NUDCD3: variants seen among roughly 807,000 people sequenced by gnomAD.
NUDCD3 encodes nudC domain-containing protein 3.
In NUDCD3, 13 loss-of-function variants were observed where a neutral mutation model predicts 39.7. The ratio of observed to expected loss-of-function variants is 0.33; its 90% confidence interval spans 0.21 to 0.52. The LOEUF (loss-of-function observed/expected upper bound fraction) is 0.52, where lower values mean the gene tolerates loss of function less well. NUDCD3 is among the 20% of genes least tolerant of loss of function. The pLI is 0.96. For synonymous variants in NUDCD3, 175 were observed against 172.4 expected (o/e 1.02, Z -0.12); for missense variants, 453 against 458.1 (o/e 0.99, Z 0.10).
At chr7:44,402,654 G>A (rs535976877) in intron 4 of NUDCD3, 123 of 456,554 alleles carry the variant, frequency 2.7e-4, no homozygotes, top group African/African-American at 2.2e-3. Context: ...AGAGCTCCTC[G>A]CTCAGAGGGA....
intron 2 of NUDCD3, among the ~76,000 whole-genome samples, chr7:44,479,750 GA>G (rs1800449276): frequency 6.6e-6 from 1 of 152,130 alleles, no homozygotes; most frequent in Non-Finnish European, 1.5e-5. Flanking sequence ...GTCTTCTACA[GA>G]ATAACTACCT....
At chr7:44,399,849 C>T (rs181749149) in intron 4 of NUDCD3, among the ~76,000 whole-genome samples, 22 of 152,260 alleles carry the variant, frequency 1.4e-4, no homozygotes, top group Admixed American at 1.1e-3. Context: ...AAATCATAAA[C>T]AAATATATTA....
intron 5 of NUDCD3, among the ~76,000 whole-genome samples, chr7:44,389,036 G>A (rs937580441): frequency 1.3e-4 from 20 of 152,196 alleles, no homozygotes; most frequent in African/African-American, 4.3e-4. Flanking sequence ...TCTGTTCCAC[G>A]CCTGGGCTAT....
In NUDCD3 at chr7:44,419,014, A is replaced by C. The variant is rs185943962; in HGVS notation, c.642+8557T>G. ...GGGCAGACACTGAGCTAGCTGCAGG[A>C]GTTTTTTTTTTGTTTGGTTTTTGTT... is the stretch of plus-strand genomic sequence containing the variant. On this transcript the variant is annotated intron_variant, in intron 3 of 5. Coordinates refer to ENST00000355451, the MANE Select transcript of NUDCD3 (RefSeq NM_015332.4). Among the ~76,000 whole-genome samples the C allele has an allele frequency of 5.7e-3, 868 of 151,916 alleles. 5 individuals carry two copies. Among genetic ancestry groups the C allele is most frequent in the African/African-American group, 0.02 (826 of 41,430 alleles).
At chr7:44,389,867 T>C (rs1473301018) in intron 5 of NUDCD3, among the ~76,000 whole-genome samples, 1 of 152,106 alleles carries the variant, frequency 6.6e-6, no homozygotes. Flanking sequence ...GGCAAGGATG[T>C]AGAGAAGAAA....
At chr7:44,421,813 T>C (rs1799147111) in intron 3 of NUDCD3, among the ~76,000 whole-genome samples, 1 of 150,636 alleles carries the variant, frequency 6.6e-6, no homozygotes, top group African/African-American at 2.4e-5. Flanking sequence ...TGGACCAAGC[T>C]GACCTAATCC....
At chr7:44,462,655 C>T (rs1250956489) in intron 2 of NUDCD3, among the ~76,000 whole-genome samples, 1 of 152,168 alleles carries the variant, frequency 6.6e-6, no homozygotes, top group African/African-American at 2.4e-5. Flanking sequence ...GTTAGGTGTC[C>T]TTGGGGCAGT....
chr7:44,388,645 T>C (rs1798449220), intron 5 of NUDCD3, among the ~76,000 whole-genome samples: 1 of 152,202 alleles, frequency 6.6e-6, no homozygotes, highest in Non-Finnish European at 1.5e-5. Context: ...TGAACGACCA[T>C]AGCCCTGAGA....
At position 44,383,540 on chromosome 7, in the gene NUDCD3, A is replaced by G. The variant is rs1463119987; in HGVS notation, c.*2471T>C. On this transcript the variant is annotated 3_prime_UTR_variant, in exon 6 of 6. Transcript: ENST00000355451. ...AGGCTAGAATGCAACAATAATGACC[A>G]TGCACAGACAGAACTGTCTCAGCAG... is the stretch of plus-strand genomic sequence containing the variant. 6.6e-6 allele frequency: 1 copy of G among 152,256 alleles called. No homozygotes were observed. Among genetic ancestry groups the G allele is most frequent in the African/African-American group, 2.4e-5 (1 of 41,460 alleles). The allele number at this position is 152,256 out of a possible 1,614,324, so 9.4% of individuals were successfully genotyped here. A position where few individuals can be genotyped will look rare whatever the true frequency, so the allele number is the denominator to read the frequency against.
intron 2 of NUDCD3, chr7:44,471,692 C>T (rs748019483): frequency 2.0e-5 from 3 of 152,300 alleles, no homozygotes; most frequent in Non-Finnish European, 4.4e-5. Context: ...CAGGGACACA[C>T]TGAGGCCACT....
At chr7:44,431,821 C>T (rs912586438) in intron 2 of NUDCD3, among the ~76,000 whole-genome samples, 3 of 152,012 alleles carry the variant, frequency 2.0e-5, no homozygotes, top group Admixed American at 2.0e-4. Context: ...TACAGGTGCG[C>T]ACCACCACTC....
chr7:44,412,926 C>CAAAA lies in NUDCD3; in HGVS notation c.643-8347_643-8344dup, dbSNP rs767754442. 3.8e-3 allele frequency among the ~76,000 whole-genome samples: 166 copies of CAAAA among 43,822 alleles called. 2 individuals carry two copies. Among genetic ancestry groups the CAAAA allele is most frequent in the Non-Finnish European group, 5.1e-3 (104 of 20,324 alleles). 28.7% of individuals were successfully genotyped at this position (43,822 alleles called of 152,430 possible). ...TGGGCGACAGAGCGAGACGCCGTCT[C>CAAAA]AAAAAAAAAAAAAAAAGAAAAAAAA... On this transcript the variant is annotated intron_variant, in intron 3 of 5. Coordinates refer to ENST00000355451, the MANE Select transcript of NUDCD3 (RefSeq NM_015332.4).
chr7:44,403,777 T>A lies in NUDCD3; in HGVS notation c.786+663A>T, dbSNP rs116097243. Reference sequence around the variant, plus strand: ...GACATTATATTTTTCTTTTCACCTTTATTCCTTTTACCATGCCCTGTAAAC... The same window carrying A: ...GACATTATATTTTTCTTTTCACCTTAATTCCTTTTACCATGCCCTGTAAAC... On this transcript the variant is annotated intron_variant, in intron 4 of 5. Coordinates refer to ENST00000355451, the MANE Select transcript of NUDCD3 (RefSeq NM_015332.4). Among the ~76,000 whole-genome samples the A allele has an allele frequency of 5.7e-3, 867 of 152,346 alleles. 5 individuals carry two copies. The highest frequency in any genetic ancestry group is 0.02 in the African/African-American group (825 of 41,578).
At position 44,404,603 on chromosome 7, in the gene NUDCD3, A is replaced by C. The variant is rs202014779; in HGVS notation, c.643-20T>G. ...TGAGACCTGGGGACACAGCAGAAGAAAATCATCTCTCCTATCAGGGTGACC... is the reference window on the plus strand; with the variant it reads ...TGAGACCTGGGGACACAGCAGAAGACAATCATCTCTCCTATCAGGGTGACC... On this transcript the variant is annotated intron_variant, in intron 3 of 5. Coordinates refer to ENST00000355451, the MANE Select transcript of NUDCD3 (RefSeq NM_015332.4). 12 of 1,611,752 alleles carry C rather than the reference A, an allele frequency of 7.4e-6. No individual in the cohort carries two copies. In the African/African-American group the frequency reaches 1.3e-4, roughly 18 times the overall value.
chr7:44,414,218 G>A (rs867930634), intron 3 of NUDCD3, among the ~76,000 whole-genome samples: 2 of 152,138 alleles, frequency 1.3e-5, no homozygotes, highest in Non-Finnish European at 2.9e-5. Flanking sequence ...TTAACAAGAG[G>A]GTGGTTTAAT....
At chr7:44,444,340 C>G (rs1225546502) in intron 2 of NUDCD3, among the ~76,000 whole-genome samples, 1 of 152,162 alleles carries the variant, frequency 6.6e-6, no homozygotes, top group Non-Finnish European at 1.5e-5. Flanking sequence ...TCCAGATAAT[C>G]ACAAAGGTTT....
At chr7:44,480,500 A>G (rs1354015646) in intron 2 of NUDCD3, among the ~76,000 whole-genome samples, 1 of 152,202 alleles carries the variant, frequency 6.6e-6, no homozygotes, top group African/African-American at 2.4e-5. Context: ...TTAACATTAT[A>G]TCATGAAAAT....
At chr7:44,433,158 T>A (rs897033322) in intron 2 of NUDCD3, among the ~76,000 whole-genome samples, 1 of 152,230 alleles carries the variant, frequency 6.6e-6, no homozygotes, top group Non-Finnish European at 1.5e-5. Flanking sequence ...TCTGGTGCCT[T>A]GATCTTGGAC....
chr7:44,413,740 T>C (rs1233497480), intron 3 of NUDCD3, among the ~76,000 whole-genome samples: 1 of 152,190 alleles, frequency 6.6e-6, no homozygotes, highest in Non-Finnish European at 1.5e-5. Flanking sequence ...TGGAAGATAG[T>C]TTAGCAACAC....
Sources: gnomAD v4.1 joint callset for allele counts (sites outside exome capture counted in the v4.1 genomes callset) on GRCh38, gnomAD v4.1.1 for gene constraint, MANE v1.5 for transcripts, NCBI Gene and HGNC (gene_info 2026-07-23, HGNC 2026-07-21) for gene names.